Variants in MYO3B observed in about 807,000 individuals in gnomAD.
The protein encoded by MYO3B is myosin IIIB.
MYO3B carries 156 observed loss-of-function variants against 174.6 expected under a neutral mutation model. The observed-to-expected ratio is 0.89, with a 90% CI of 0.78 to 1.02. The LOEUF is 1.02. MYO3B is among the 50% of genes least tolerant of loss of function. The pLI is 0.00. For missense variants in MYO3B, 1,632 were observed against 1,639.4 expected (o/e 1.00, Z 0.08); for synonymous variants, 563 against 569.1 (o/e 0.99, Z 0.15).
chr2:170,568,710 T>A (rs892054210), intron 32 of MYO3B, among the ~76,000 whole-genome samples: 2 of 152,206 alleles, frequency 1.3e-5, no homozygotes, highest in Non-Finnish European at 2.9e-5. Context: ...TTCAATTGGC[T>A]CTTGAAATAT....
chr2:170,270,180 C>T (rs945089237), intron 7 of MYO3B, among the ~76,000 whole-genome samples: 2 of 152,084 alleles, frequency 1.3e-5, no homozygotes. Flanking sequence ...TTTTTCTATG[C>T]TACTGTATTA....
chr2:170,338,777 A>G (rs2093960675), intron 8 of MYO3B, among the ~76,000 whole-genome samples: 2 of 151,970 alleles, frequency 1.3e-5, no homozygotes, highest in Admixed American at 6.6e-5. Context: ...TAGTTTTTAC[A>G]TTTTTAGCAG....
intron 7 of MYO3B, among the ~76,000 whole-genome samples, chr2:170,328,730 T>C (rs1056146259): frequency 1.3e-5 from 2 of 152,122 alleles, no homozygotes; most frequent in South Asian, 2.1e-4. Context: ...ACCCACTCTG[T>C]GGAATGCCAT....
intron 7 of MYO3B, among the ~76,000 whole-genome samples, chr2:170,279,391 T>C (rs4668232): frequency 0.42 from 63,251 of 151,876 alleles, 13,441 homozygotes; most frequent in South Asian, 0.52. Flanking sequence ...ATTAGTGATG[T>C]TGAGCATTTT....
chr2:170,541,661 G>A (rs1346344089), intron 30 of MYO3B, among the ~76,000 whole-genome samples: 1 of 152,098 alleles, frequency 6.6e-6, no homozygotes, highest in Non-Finnish European at 1.5e-5. Flanking sequence ...CCCGCATTTT[G>A]TGGATTGACT....
At chr2:170,595,686 C>A (rs568143389) in intron 32 of MYO3B, among the ~76,000 whole-genome samples, 1 of 152,230 alleles carries the variant, frequency 6.6e-6, no homozygotes, top group South Asian at 2.1e-4. Flanking sequence ...AGTCCTCCTG[C>A]CTTGGCCTCC....
At chr2:170,307,242 C>CAAAA (rs10718469) in intron 7 of MYO3B, among the ~76,000 whole-genome samples, 7 of 57,644 alleles carry the variant, frequency 1.2e-4, no homozygotes, top group Non-Finnish European at 1.7e-4. Flanking sequence ...GGCCTTATCT[C>CAAAA]AAAAAAAAAA....
chr2:170,615,084 T>G (rs1162190482), intron 32 of MYO3B, among the ~76,000 whole-genome samples: 1 of 152,196 alleles, frequency 6.6e-6, no homozygotes, highest in Non-Finnish European at 1.5e-5. Context: ...TGTGTTTCGG[T>G]GTCACACTTT....
intron 25 of MYO3B, among the ~76,000 whole-genome samples, chr2:170,489,219 G>GT (rs1190948313): frequency 1.3e-5 from 2 of 152,222 alleles, no homozygotes; most frequent in Admixed American, 1.3e-4. Context: ...CAAAGAAAGA[G>GT]TTTTTTATCA....
intron 7 of MYO3B, among the ~76,000 whole-genome samples, chr2:170,318,129 G>A (rs1184737646): frequency 1.3e-5 from 2 of 152,266 alleles, no homozygotes; most frequent in East Asian, 3.9e-4. Flanking sequence ...ATACATTTGT[G>A]ACAGTGCTTT....
At chr2:170,542,135 G>C (rs986409077) in intron 30 of MYO3B, among the ~76,000 whole-genome samples, 11 of 152,172 alleles carry the variant, frequency 7.2e-5, no homozygotes, top group Non-Finnish European at 1.3e-4. Context: ...GTGCGTGTGT[G>C]TGAGGCAGGG....
chr2:170,535,583 G>C (rs1040703271), intron 30 of MYO3B, among the ~76,000 whole-genome samples: 6 of 152,188 alleles, frequency 3.9e-5, no homozygotes, highest in African/African-American at 1.4e-4. Context: ...GAGAGCATGG[G>C]CTCCGGGTCA....
At chr2:170,364,170 C>A (rs901002240) in intron 8 of MYO3B, among the ~76,000 whole-genome samples, 1 of 152,090 alleles carries the variant, frequency 6.6e-6, no homozygotes. Flanking sequence ...TAAAATCATG[C>A]GACTAATTGC....
At chr2:170,568,105 G>A (rs1220721184) in intron 32 of MYO3B, among the ~76,000 whole-genome samples, 2 of 152,184 alleles carry the variant, frequency 1.3e-5, no homozygotes, top group African/African-American at 4.8e-5. Context: ...TACCAGACCA[G>A]ACCGTACAAA....
At chr2:170,226,835 G>C (rs1276695981) in intron 6 of MYO3B, among the ~76,000 whole-genome samples, 1 of 152,174 alleles carries the variant, frequency 6.6e-6, no homozygotes, top group Non-Finnish European at 1.5e-5. Flanking sequence ...AATTTTTAAG[G>C]CTGTCCTCAC....
At chr2:170,342,492 AGT>A (rs1393084095) in intron 8 of MYO3B, 2 of 152,002 alleles carry the variant, frequency 1.3e-5, no homozygotes, top group Non-Finnish European at 2.9e-5. Context: ...GCTGTGCTAT[AGT>A]GTGTGTATCC....
At chr2:170,536,484 T>C (rs1020396540) in intron 30 of MYO3B, among the ~76,000 whole-genome samples, 1 of 152,236 alleles carries the variant, frequency 6.6e-6, no homozygotes, top group Non-Finnish European at 1.5e-5. Context: ...TATCCAAACC[T>C]GATGAGAAAA....
chr2:170,337,768 T>C (rs191979310), intron 8 of MYO3B: 6 of 152,360 alleles, frequency 3.9e-5, no homozygotes, highest in Admixed American at 2.6e-4. Flanking sequence ...ATATGTATTA[T>C]ATACTGTATT....
chr2:170,408,581 T>TG (rs1275782475), intron 22 of MYO3B: 1 of 152,206 alleles, frequency 6.6e-6, no homozygotes, highest in African/African-American at 2.4e-5. Context: ...AAGGGCTTTG[T>TG]GTTTTTTAGG....
Sources: allele counts gnomAD v4.1 joint callset (sites outside exome capture counted in the v4.1 genomes callset), GRCh38; gene constraint gnomAD v4.1.1; transcripts MANE v1.5; gene names NCBI Gene and HGNC (gene_info 2026-07-23, HGNC 2026-07-21).